PARP2: variants seen among roughly 807,000 people sequenced by gnomAD.
The protein encoded by PARP2 is poly(ADP-ribose) polymerase 2.
Under a neutral mutation model 77.8 loss-of-function variants are expected in PARP2, and 57 were observed. That is an observed-to-expected ratio of 0.73 (90% CI 0.59 to 0.91). The LOEUF (loss-of-function observed/expected upper bound fraction) is 0.91. Among genes scored for constraint, PARP2 ranks in the 40% least tolerant of loss-of-function variants. The probability of loss-of-function intolerance (pLI) is 0.00; values close to 1 mark genes in which losing one functional copy is unlikely to be tolerated. For synonymous variants in PARP2, 226 were observed against 242.6 expected (o/e 0.93, Z 0.64); for missense variants, 651 against 689.0 (o/e 0.94, Z 0.62).
At chr14:20,355,123 T>A (rs1213317337) in intron 9 of PARP2, 176 bp downstream of exon 9, 1 of 569,864 alleles carries the variant, frequency 1.8e-6, no homozygotes, top group Non-Finnish European at 3.0e-6. Context: ...AAATATGGGA[T>A]GCAATCTCCC....
At chr14:20,346,734 T>A (rs1001171697) in intron 3 of PARP2, 129 bp from the exon 4 acceptor site, 2 of 669,698 alleles carry the variant, frequency 3.0e-6, no homozygotes, top group Admixed American at 2.1e-5. Flanking sequence ...TGCAATTCTT[T>A]CCTTGGGAGA....
intron 1 of PARP2, among the ~76,000 whole-genome samples, 173 bp from the exon 2 acceptor site, chr14:20,344,759 G>T (rs1325793734): frequency 6.6e-6 from 1 of 152,200 alleles, no homozygotes; most frequent in Non-Finnish European, 1.5e-5. Context: ...GTTGCAGTGA[G>T]CCAAGATCGC....
At position 20,355,764 on chromosome 14, in the gene PARP2, T is replaced by C. The variant is rs1426476308; in HGVS notation, c.915T>C (p.Pro305=). The change falls in exon 10 of 16, where the codon CCT becomes CCC. Residue 305 remains proline, a synonymous_variant. Transcript: ENST00000429687. ...RIPHDFGLRT[P]PLIRTQKELS... Reference sequence around the variant, plus strand: ...TCTCTGTTCTTAGACTCCGTACTCCTCCACTAATCCGGACACAGAAGGAAC... The same window carrying C: ...TCTCTGTTCTTAGACTCCGTACTCCCCCACTAATCCGGACACAGAAGGAAC... 3 of 1,613,386 alleles carry C rather than the reference T, an allele frequency of 1.9e-6. No homozygotes were observed. Among genetic ancestry groups the C allele is most frequent in the Non-Finnish European group, 2.5e-6 (3 of 1,179,436 alleles).
intron 4 of PARP2, among the ~76,000 whole-genome samples, chr14:20,348,791 G>A (rs545300438): frequency 2.0e-4 from 30 of 152,062 alleles, no homozygotes; most frequent in African/African-American, 6.5e-4. Context: ...AGGCTGAGGC[G>A]GGCGGATCAC....
chr14:20,347,757 C>T (rs1362137749), intron 4 of PARP2, among the ~76,000 whole-genome samples: 1 of 151,820 alleles, frequency 6.6e-6, no homozygotes, highest in African/African-American at 2.4e-5. Context: ...CACCTGAGTA[C>T]TCAGCCCTAG....
rs751217303 is a variant in PARP2, at chr14:20,346,883, A to C, written c.294A>C (p.Gly98=). ...KVGKAHVYCE[G]NDVYDVMLNQ... ...TCTAGGCTCATGTGTATTGTGAAGG[A>C]AATGATGTCTATGATGTCATGCTAA... Residue 98 remains glycine, a synonymous_variant, in exon 4 of 16, where the codon GGA becomes GGC. Coordinates refer to ENST00000429687, the MANE Select transcript of PARP2 (RefSeq NM_001042618.2). 1.9e-6 allele frequency: 3 copies of C among 1,607,152 alleles called. 1 individual carries two copies. In the Admixed American group the frequency reaches 5.0e-5, roughly 27 times the overall value.
At chr14:20,356,148 T>G (rs1449835250) in intron 11 of PARP2, 117 bp downstream of exon 11, 5 of 1,421,312 alleles carry the variant, frequency 3.5e-6, no homozygotes, top group African/African-American at 1.4e-5. Context: ...AGACTTTTTA[T>G]GTACTAGGGA....
At chr14:20,347,688 G>A (rs1883819263) in intron 4 of PARP2, among the ~76,000 whole-genome samples, 1 of 151,454 alleles carries the variant, frequency 6.6e-6, no homozygotes, top group African/African-American at 2.4e-5. Context: ...TGGTATTACA[G>A]GCATGAGCCA....
chr14:20,346,819 T>G (rs1268231664), intron 3 of PARP2, 44 bp from the exon 4 acceptor site: 1 of 1,337,608 alleles, frequency 7.5e-7, no homozygotes, highest in East Asian at 2.3e-5. Context: ...ATGTCAGGGC[T>G]GAACCTATAC....
At chr14:20,346,805 TAGGATGTC>T in intron 3 of PARP2, 50 bp from the exon 4 acceptor site, 1 of 1,128,558 alleles carries the variant, frequency 8.9e-7, no homozygotes, top group Non-Finnish European at 1.3e-6. Flanking sequence ...GAGCCTCATT[TAGGATGTC>T]AGGGCTGAAC....
intron 4 of PARP2, 66 bp downstream of exon 4, chr14:20,346,979 T>C (rs1883748687): frequency 1.9e-6 from 2 of 1,033,472 alleles, no homozygotes; most frequent in East Asian, 2.4e-5. Context: ...TTATTGATGA[T>C]AGCATCACAG....
chr14:20,356,284 C>G, intron 11 of PARP2, 23 bp from the exon 12 acceptor site: 2 of 1,613,598 alleles, frequency 1.2e-6, no homozygotes, highest in Non-Finnish European at 1.7e-6. Context: ...TCTACATCAG[C>G]CTTTTTGTCT....
intron 9 of PARP2, chr14:20,355,500 T>C (rs1034304568): frequency 3.4e-6 from 1 of 290,892 alleles, no homozygotes; most frequent in Non-Finnish European, 6.3e-6. Flanking sequence ...TAAATGATTT[T>C]ATAAAAAATA....
chr14:20,355,007 T>G, intron 9 of PARP2, 60 bp downstream of exon 9: 1 of 1,421,178 alleles, frequency 7.0e-7, no homozygotes, highest in Non-Finnish European at 9.6e-7. Flanking sequence ...CCTGTATCCA[T>G]CAGCAGCAGC....
intron 4 of PARP2, among the ~76,000 whole-genome samples, chr14:20,347,356 G>GTGTGTATGTATA (rs1168423656): frequency 3.4e-5 from 1 of 29,556 alleles, no homozygotes. Context: ...ATGTGTGTGT[G>GTGTGTATGTATA]TATATATATA....
intron 4 of PARP2, among the ~76,000 whole-genome samples, chr14:20,348,146 T>A (rs1329778018): frequency 2.0e-5 from 3 of 152,176 alleles, no homozygotes; most frequent in Non-Finnish European, 4.4e-5. Context: ...GGCACTGGGA[T>A]TACAGGGATG....
intron 8 of PARP2, 31 bp downstream of exon 8, chr14:20,354,278 T>A: frequency 6.6e-7 from 1 of 1,517,722 alleles, no homozygotes; most frequent in Non-Finnish European, 9.1e-7. Flanking sequence ...CTGCATTCTC[T>A]CCTTATAATT....
intron 6 of PARP2, 53 bp downstream of exon 6, chr14:20,351,175 ATATTCTCT>A (rs1883941787): frequency 1.1e-5 from 16 of 1,441,162 alleles, no homozygotes; most frequent in Non-Finnish European, 1.5e-5. Context: ...TCTTAGATGT[ATATTCTCT>A]AAAAAATTTT....
chr14:20,351,853 C>T (rs1296484834), intron 6 of PARP2, among the ~76,000 whole-genome samples: 1 of 145,624 alleles, frequency 6.9e-6, no homozygotes, highest in African/African-American at 2.5e-5. Context: ...TGACTCTCCC[C>T]CAAAAAAAAG....
Sources: allele counts gnomAD v4.1 joint callset (sites outside exome capture counted in the v4.1 genomes callset), GRCh38; gene constraint gnomAD v4.1.1; transcripts MANE v1.5; gene names NCBI Gene and HGNC (gene_info 2026-07-23, HGNC 2026-07-21).